EHMT1: variants seen among roughly 807,000 people sequenced by gnomAD.
EHMT1 encodes euchromatic histone lysine methyltransferase 1.
EHMT1 carries 15 observed loss-of-function variants against 147.2 expected under a neutral mutation model. The ratio of observed to expected loss-of-function variants is 0.10; its 90% CI spans 0.07 to 0.16. The LOEUF is 0.16. Among genes scored for constraint, EHMT1 ranks in the 10% least tolerant of loss-of-function variants. EHMT1 has a pLI of 1.00. For missense variants in EHMT1, 1,587 were observed against 1,772.4 expected, an observed-to-expected ratio of 0.90 and a Z score of 1.88; for synonymous variants, 795 against 709.6, an observed-to-expected ratio of 1.12 and a Z score of -1.91.
At chr9:137,678,619 ACT>A (rs913037597) in intron 1 of EHMT1, among the ~76,000 whole-genome samples, 3 of 151,646 alleles carry the variant, frequency 2.0e-5, no homozygotes, top group Admixed American at 2.0e-4. Flanking sequence ...ATAGTACTGA[ACT>A]CTCTATATAC....
intron 18 of EHMT1, chr9:137,803,386 C>A: frequency 2.6e-6 from 2 of 774,098 alleles, no homozygotes; most frequent in Non-Finnish European, 3.1e-6. Context: ...ATGCCCAGCC[C>A]ACCCCTGCCA....
intron 1 of EHMT1, among the ~76,000 whole-genome samples, chr9:137,623,368 G>A (rs1219734301): frequency 4.0e-5 from 6 of 151,890 alleles, no homozygotes; most frequent in Admixed American, 2.6e-4. Context: ...AGCCAGGAAG[G>A]TGTGGTAAGC....
chr9:137,734,232 G>A (rs752194884), intron 4 of EHMT1, among the ~76,000 whole-genome samples: 1 of 152,196 alleles, frequency 6.6e-6, no homozygotes, highest in African/African-American at 2.4e-5. Flanking sequence ...CTAAAGGAAG[G>A]TATGGAGAGA....
At chr9:137,772,744 C>A (rs941785048) in intron 10 of EHMT1, among the ~76,000 whole-genome samples, 1 of 152,224 alleles carries the variant, frequency 6.6e-6, no homozygotes, top group Non-Finnish European at 1.5e-5. Context: ...GGTCAGCAGT[C>A]GGTGAATCTG....
At chr9:137,739,028 AAGATGAT>A (rs1027840939) in intron 4 of EHMT1, among the ~76,000 whole-genome samples, 14 of 152,128 alleles carry the variant, frequency 9.2e-5, no homozygotes, top group Non-Finnish European at 1.9e-4. Context: ...CGTGCACTTA[AAGATGAT>A]GAAGATGGTA....
intron 1 of EHMT1, chr9:137,619,902 A>G (rs551527399): frequency 3.5e-4 from 53 of 152,166 alleles, no homozygotes; most frequent in African/African-American, 1.2e-3. Flanking sequence ...GTGTGGTCCT[A>G]GGGCTGAGAT....
At chr9:137,769,077 A>G (rs1950431520) in intron 10 of EHMT1, among the ~76,000 whole-genome samples, 1 of 152,180 alleles carries the variant, frequency 6.6e-6, no homozygotes. Context: ...AATGTTTTGA[A>G]TGGTTTCCCT....
intron 1 of EHMT1, among the ~76,000 whole-genome samples, chr9:137,688,275 C>T (rs555120693): frequency 8.5e-5 from 13 of 152,318 alleles, no homozygotes; most frequent in African/African-American, 2.4e-4. Context: ...CTGCCTGCCT[C>T]GGCCTTCCAA....
At chr9:137,770,421 C>T (rs1185931798) in intron 10 of EHMT1, among the ~76,000 whole-genome samples, 2 of 152,214 alleles carry the variant, frequency 1.3e-5, no homozygotes, top group East Asian at 3.8e-4. Context: ...ACATTTCAGT[C>T]ATCTCTGAGT....
At chr9:137,718,484 C>T (rs892023178) in intron 3 of EHMT1, among the ~76,000 whole-genome samples, 1 of 152,200 alleles carries the variant, frequency 6.6e-6, no homozygotes, top group African/African-American at 2.4e-5. Context: ...CTGTTTAGGG[C>T]TTCACAGCCC....
chr9:137,816,410 A>G (rs1206112430), intron 23 of EHMT1: 2 of 365,816 alleles, frequency 5.5e-6, no homozygotes, highest in Non-Finnish European at 1.1e-5. Context: ...TTCTATTTTA[A>G]TACTCCAGTC....
chr9:137,808,107 G>T (rs1308742314), intron 18 of EHMT1, among the ~76,000 whole-genome samples: 1 of 152,204 alleles, frequency 6.6e-6, no homozygotes, highest in African/African-American at 2.4e-5. Flanking sequence ...ACCGAGGCAG[G>T]TCCGTCCATT....
At chr9:137,817,122 C>G in intron 23 of EHMT1, 1 of 433,450 alleles carries the variant, frequency 2.3e-6, no homozygotes, top group South Asian at 2.1e-5. Flanking sequence ...CTAGTATTAG[C>G]ACCTCTGCCC....
intron 1 of EHMT1, among the ~76,000 whole-genome samples, chr9:137,669,376 TGG>T (rs1564562619): frequency 0.066 from 304 of 4,604 alleles, no homozygotes; most frequent in Middle Eastern, 0.14. Flanking sequence ...GCACGTGCAC[TGG>T]ACTCCACCCA....
chr9:137,808,166 T>G (rs1022661743), intron 18 of EHMT1, among the ~76,000 whole-genome samples: 16 of 152,162 alleles, frequency 1.1e-4, no homozygotes, highest in Admixed American at 4.6e-4. Flanking sequence ...TGCCTGGTTG[T>G]GGGGAAAGGC....
chr9:137,690,277 A>G (rs1156282143), intron 1 of EHMT1, among the ~76,000 whole-genome samples: 1 of 152,130 alleles, frequency 6.6e-6, no homozygotes, highest in Admixed American at 6.5e-5. Flanking sequence ...TTGCTTTTCT[A>G]TTTCACAGTA....
chr9:137,685,082 G>T (rs1233866314), intron 1 of EHMT1, among the ~76,000 whole-genome samples: 1 of 151,736 alleles, frequency 6.6e-6, no homozygotes, highest in Non-Finnish European at 1.5e-5. Flanking sequence ...TTTTTATTGT[G>T]ATAAAGTATA....
chr9:137,830,355 C>T (rs1956106455), intron 25 of EHMT1, among the ~76,000 whole-genome samples: 1 of 152,224 alleles, frequency 6.6e-6, no homozygotes, highest in African/African-American at 2.4e-5. Flanking sequence ...TGAAATGAGA[C>T]TCTGGGGTGC....
Position 137,819,665 on chromosome 9 carries a change from C to T in EHMT1, c.3540+1527C>T, listed in dbSNP as rs943971762. ...GTAGAGAGGCTGAGGGGGGGGGCGC[C>T]GTGTGCCGAGACTGTAAAGAGGCTG... On this transcript the variant is annotated intron_variant, in intron 25 of 26. Transcript: ENST00000460843. Among the ~76,000 whole-genome samples, 27 of 141,722 alleles carry T rather than the reference C, an allele frequency of 1.9e-4. 2 individuals carry two copies. The highest frequency in any genetic ancestry group is 9.6e-4 in the Admixed American group (13 of 13,578). 93.0% of individuals were successfully genotyped at this position (141,722 alleles called of 152,430 possible). A position where few individuals can be genotyped will look rare whatever the true frequency, so the allele number is the denominator to read the frequency against.
Sources: gnomAD v4.1 joint callset for allele counts (sites outside exome capture counted in the v4.1 genomes callset) on GRCh38, gnomAD v4.1.1 for gene constraint, MANE v1.5 for transcripts, NCBI Gene and HGNC (gene_info 2026-07-23, HGNC 2026-07-21) for gene names.